The following TTC7A variants were observed in gnomAD, a reference collection of about 807,000 sequenced individuals.
TTC7A encodes the protein tetratricopeptide repeat protein 7A.
Under a neutral mutation model 103.7 loss-of-function variants are expected in TTC7A, and 110 were observed. The observed-to-expected ratio is 1.06, with a 90% CI of 0.91 to 1.24. TTC7A has a LOEUF of 1.24. TTC7A is among the 50% of genes most tolerant of loss of function. TTC7A has a pLI of 0.00. For synonymous variants in TTC7A, 521 were observed against 467.9 expected, an observed-to-expected ratio of 1.11 and a Z score of -1.47; for missense variants, 1,340 against 1,116.3, an observed-to-expected ratio of 1.20 and a Z score of -2.86.
At chr2:46,934,490 T>G (rs1002260607) in intron 2 of TTC7A, among the ~76,000 whole-genome samples, 1 of 151,998 alleles carries the variant, frequency 6.6e-6, no homozygotes, top group Non-Finnish European at 1.5e-5. Flanking sequence ...AACTGGCTGG[T>G]CTCCAACTCC....
At chr2:47,025,759 T>TC (rs1391042552) in intron 14 of TTC7A, among the ~76,000 whole-genome samples, 1 of 151,784 alleles carries the variant, frequency 6.6e-6, no homozygotes, top group Non-Finnish European at 1.5e-5. Flanking sequence ...GCACTGCCCC[T>TC]CCCCCTGTGA....
intron 2 of TTC7A, among the ~76,000 whole-genome samples, chr2:46,955,847 G>A (rs1671809849): frequency 6.6e-6 from 1 of 152,208 alleles, no homozygotes; most frequent in Non-Finnish European, 1.5e-5. Flanking sequence ...CTGCATCTTC[G>A]GGGAGTTTTA....
At chr2:47,022,437 C>T (rs1057106825) in intron 12 of TTC7A, among the ~76,000 whole-genome samples, 18 of 152,180 alleles carry the variant, frequency 1.2e-4, no homozygotes, top group Admixed American at 8.5e-4. Context: ...GGGCTGGGTA[C>T]GCAGCAGGTG....
At chr2:46,953,626 A>G (rs1242065231) in intron 2 of TTC7A, among the ~76,000 whole-genome samples, 2 of 152,114 alleles carry the variant, frequency 1.3e-5, no homozygotes, top group Admixed American at 1.3e-4. Context: ...GGAAAGCTTG[A>G]AACCCTTTCC....
At chr2:47,049,667 C>A (rs1366604787) in intron 16 of TTC7A, among the ~76,000 whole-genome samples, 1 of 152,136 alleles carries the variant, frequency 6.6e-6, no homozygotes. Context: ...GCCTGGGGAG[C>A]TTCTGGCCTT....
intron 3 of TTC7A, among the ~76,000 whole-genome samples, chr2:46,962,887 C>T (rs943099595): frequency 6.6e-6 from 1 of 152,244 alleles, no homozygotes. Context: ...GGTTTGGGGT[C>T]TGTCTGCCTC....
chr2:47,035,355 C>T (rs1419315040), intron 15 of TTC7A: 2 of 152,234 alleles, frequency 1.3e-5, no homozygotes, highest in African/African-American at 4.8e-5. Flanking sequence ...AAGACACCAG[C>T]CATGGGGGAA....
At chr2:47,060,381 ATTAAT>A (rs1308946549) in intron 18 of TTC7A, among the ~76,000 whole-genome samples, 1 of 151,784 alleles carries the variant, frequency 6.6e-6, no homozygotes, top group Non-Finnish European at 1.5e-5. Context: ...AAATAAATAA[ATTAAT>A]TTTTTTTAAA....
At chr2:47,018,749 G>A (rs953276076) in intron 11 of TTC7A, among the ~76,000 whole-genome samples, 4 of 151,788 alleles carry the variant, frequency 2.6e-5, no homozygotes, top group African/African-American at 9.7e-5. Context: ...ACTGCTGTGA[G>A]CATTGCCCCA....
Position 46,994,827 on chromosome 2 carries a change from C to G in TTC7A, c.1002-309C>G, listed in dbSNP as rs186688979. On this transcript the variant is annotated intron_variant, in intron 7 of 19. Coordinates refer to ENST00000319190, the MANE Select transcript of TTC7A (RefSeq NM_020458.4). The stretch of plus-strand genomic sequence containing the variant: ...ATTCATCGAAGGTGCGGTCTGTAGC[C>G]AACCAGCAGAGCGTAGTTCTGGCTT... Among the ~76,000 whole-genome samples, 648 of 152,320 alleles carry G rather than the reference C, an allele frequency of 4.3e-3. 8 individuals carry two copies. The highest frequency in any genetic ancestry group is 0.015 in the African/African-American group (608 of 41,560).
chr2:46,949,525 G>T (rs1033911738), intron 1 of TTC7A, among the ~76,000 whole-genome samples: 1 of 152,112 alleles, frequency 6.6e-6, no homozygotes, highest in South Asian at 2.1e-4. Context: ...GAGCCACTGC[G>T]CTCACTAAAC....
chr2:46,926,271 T>C (rs2103821561), intron 2 of TTC7A, among the ~76,000 whole-genome samples: 1 of 152,344 alleles, frequency 6.6e-6, no homozygotes, highest in East Asian at 1.9e-4. Context: ...TTGGTTTAGT[T>C]CCACACACTG....
chr2:47,046,146 C>A (rs930392782), intron 15 of TTC7A, among the ~76,000 whole-genome samples, 169 bp from the exon 16 acceptor site: 1 of 152,230 alleles, frequency 6.6e-6, no homozygotes, highest in Non-Finnish European at 1.5e-5. Context: ...CTGAGGCACA[C>A]AGAGAAAGCA....
Position 46,941,826 on chromosome 2 carries a change from C to T in TTC7A, c.184+101C>T. Reference sequence around the variant, plus strand: ...ACAGTCCTCGGCCGACAGCGGGCGCCTGCCAGCCCACCGTGCTAGTCTTAA... The same window carrying T: ...ACAGTCCTCGGCCGACAGCGGGCGCTTGCCAGCCCACCGTGCTAGTCTTAA... On this transcript the variant is annotated intron_variant, in intron 1 of 19. Coordinates refer to ENST00000319190, the MANE Select transcript of TTC7A (RefSeq NM_020458.4). This position sits in a 1 kb window ranked among gnomAD's most constrained non-coding sequence, Gnocchi z 4.2. The T allele has an allele frequency of 6.9e-7, 1 of 1,449,800 alleles. No individual in the cohort carries two copies. Among genetic ancestry groups the T allele is most frequent in the Non-Finnish European group, 9.4e-7 (1 of 1,068,162 alleles). 89.8% of individuals were successfully genotyped at this position (1,449,800 alleles called of 1,614,324 possible).
At chr2:46,975,378 C>T (rs533788875) in intron 4 of TTC7A, among the ~76,000 whole-genome samples, 2 of 152,104 alleles carry the variant, frequency 1.3e-5, no homozygotes, top group African/African-American at 4.8e-5. Flanking sequence ...CATTTGCTCA[C>T]CATTTCTTTC....
At chr2:47,027,952 C>G (rs1305205254) in intron 14 of TTC7A, among the ~76,000 whole-genome samples, 1 of 152,210 alleles carries the variant, frequency 6.6e-6, no homozygotes, top group Non-Finnish European at 1.5e-5. Flanking sequence ...ATTCCCCAGA[C>G]CCTGTCAGGA....
intron 18 of TTC7A, among the ~76,000 whole-genome samples, chr2:47,053,543 T>TTGGTTGG (rs56072760): frequency 0.021 from 3,001 of 140,186 alleles, 45 homozygotes; most frequent in South Asian, 0.045. Context: ...TGTTTGTTTG[T>TTGGTTGG]TTGGTTGGTT....
intron 15 of TTC7A, among the ~76,000 whole-genome samples, chr2:47,031,004 C>G (rs1328022778): frequency 6.6e-6 from 1 of 152,132 alleles, no homozygotes; most frequent in Non-Finnish European, 1.5e-5. Context: ...AAAATTAGCT[C>G]GGTGTGATGG....
chr2:47,065,147 C>T (rs576490769), intron 19 of TTC7A, among the ~76,000 whole-genome samples: 43 of 152,178 alleles, frequency 2.8e-4, no homozygotes, highest in Admixed American at 9.8e-4. Context: ...ATTAGCCGGG[C>T]GTGGTGGTGG....
Sources: allele counts gnomAD v4.1 joint callset (sites outside exome capture counted in the v4.1 genomes callset), GRCh38; gene constraint gnomAD v4.1.1; non-coding constraint Gnocchi (gnomAD v3.1); transcripts MANE v1.5; gene names NCBI Gene and HGNC (gene_info 2026-07-23, HGNC 2026-07-21).